Variants in CPNE8 observed in about 807,000 individuals in gnomAD.
CPNE8 encodes the protein copine-8.
Under a neutral mutation model 81.5 loss-of-function variants are expected in CPNE8, and 45 were observed. That is an observed-to-expected ratio of 0.55 (90% CI 0.44 to 0.71). The LOEUF (loss-of-function observed/expected upper bound fraction) is 0.71. CPNE8 is among the 30% of genes least tolerant of loss of function. The probability of loss-of-function intolerance (pLI) is 0.00; values close to 1 mark genes in which losing one functional copy is unlikely to be tolerated. For synonymous variants in CPNE8, 252 were observed against 226.3 expected (o/e 1.11, Z -1.02); for missense variants, 594 against 672.1 (o/e 0.88, Z 1.28).
chr12:38,664,716 A>G (rs916945261), intron 19 of CPNE8, among the ~76,000 whole-genome samples: 2 of 152,158 alleles, frequency 1.3e-5, no homozygotes, highest in African/African-American at 4.8e-5. Context: ...CTTACAATAC[A>G]CACAGTTCTA....
At chr12:38,711,466 TTC>T (rs1199311833) in intron 13 of CPNE8, among the ~76,000 whole-genome samples, 4 of 132,842 alleles carry the variant, frequency 3.0e-5, no homozygotes, top group Non-Finnish European at 5.0e-5. Context: ...CCAAGTGTAG[TTC>T]TTTTTTTTTT....
At chr12:38,764,880 G>A (rs149730390) in intron 8 of CPNE8, among the ~76,000 whole-genome samples, 427 of 151,794 alleles carry the variant, frequency 2.8e-3, no homozygotes, top group Admixed American at 3.8e-3. Flanking sequence ...GAGAGAGAGA[G>A]AAAAAGAGAG....
intron 19 of CPNE8, among the ~76,000 whole-genome samples, chr12:38,659,686 C>G (rs1466506800): frequency 6.6e-6 from 1 of 152,110 alleles, no homozygotes; most frequent in East Asian, 1.9e-4. Context: ...ACAAAAATCA[C>G]AACAAACTCT....
intron 6 of CPNE8, among the ~76,000 whole-genome samples, chr12:38,818,937 A>C (rs1205884620): frequency 6.6e-6 from 1 of 152,190 alleles, no homozygotes; most frequent in Non-Finnish European, 1.5e-5. Context: ...TCTTCTTTTG[A>C]GAAGTGTCTG....
At chr12:38,776,782 T>C (rs552659293) in intron 6 of CPNE8, among the ~76,000 whole-genome samples, 1 of 152,238 alleles carries the variant, frequency 6.6e-6, no homozygotes, top group Admixed American at 6.5e-5. Context: ...GGTGGCCCCA[T>C]AACATTATAA....
chr12:38,898,242 C>T (rs927939235), intron 1 of CPNE8, among the ~76,000 whole-genome samples: 1 of 151,968 alleles, frequency 6.6e-6, no homozygotes, highest in African/African-American at 2.4e-5. Context: ...CCTCAGGCCC[C>T]AAATGCTAAA....
At chr12:38,760,451 A>ATATATATATATATGTG (rs749406707) in intron 10 of CPNE8, among the ~76,000 whole-genome samples, 419 of 120,158 alleles carry the variant, frequency 3.5e-3, no homozygotes, top group East Asian at 8.8e-3. Flanking sequence ...ATATATATAT[A>ATATATATATATATGTG]TGTGTGTGTA....
At chr12:38,682,020 G>A (rs1326336432) in intron 16 of CPNE8, among the ~76,000 whole-genome samples, 1 of 150,702 alleles carries the variant, frequency 6.6e-6, no homozygotes, top group African/African-American at 2.4e-5. Flanking sequence ...AGGAGTTGGA[G>A]ACCAGCCTGG....
rs1944036936 is a variant in CPNE8, at chr12:38,874,363, C to T, written c.139+108G>A. Reference sequence around the variant, plus strand: ...AGTATGTAGGGCTTGGGACCATTCTCCTGTTGCTTTCTAGGCTTTAAAACA... The same window carrying T: ...AGTATGTAGGGCTTGGGACCATTCTTCTGTTGCTTTCTAGGCTTTAAAACA... On this transcript the variant is annotated intron_variant, in intron 2 of 19. Coordinates refer to ENST00000331366, the MANE Select transcript of CPNE8 (RefSeq NM_153634.3). 3 of 784,236 alleles carry T rather than the reference C, an allele frequency of 3.8e-6. No homozygotes were observed. The Admixed American group carries it at 6.1e-5, about 16-fold the overall frequency. The allele number at this position is 784,236 out of a possible 1,614,324, so 48.6% of individuals were successfully genotyped here.
intron 6 of CPNE8, among the ~76,000 whole-genome samples, chr12:38,802,906 GAAGA>G (rs1451641186): frequency 1.3e-5 from 2 of 149,488 alleles, no homozygotes; most frequent in Non-Finnish European, 3.0e-5. Flanking sequence ...AGAAAATCTA[GAAGA>G]AATAGATACA....
intron 6 of CPNE8, among the ~76,000 whole-genome samples, chr12:38,787,496 A>AG (rs1422927694): frequency 9.2e-5 from 14 of 151,534 alleles, no homozygotes; most frequent in Non-Finnish European, 1.9e-4. Flanking sequence ...TAAAAAAAAA[A>AG]AAAAGAAAAA....
At chr12:38,721,523 C>A (rs372382187) in intron 13 of CPNE8, among the ~76,000 whole-genome samples, 87 of 152,272 alleles carry the variant, frequency 5.7e-4, no homozygotes, top group African/African-American at 1.9e-3. Context: ...CAATAAAACT[C>A]CTCTTCATCT....
At position 38,730,817 on chromosome 12, in the gene CPNE8, G is replaced by A. The variant is rs532171793; in HGVS notation, c.723-459C>T. Among the ~76,000 whole-genome samples the A allele has an allele frequency of 2.0e-5, 3 of 151,016 alleles. No individual in the cohort carries two copies. In the Admixed American group the frequency reaches 2.0e-4, roughly 10 times the overall value. Reference sequence around the variant, plus strand: ...GTGTAATAGGATGCTATTTTAAAAAGTTATAACATATTAATATGTGTAATA... The same window carrying A: ...GTGTAATAGGATGCTATTTTAAAAAATTATAACATATTAATATGTGTAATA... On this transcript the variant is annotated intron_variant, in intron 10 of 19. Transcript: ENST00000331366.
At chr12:38,784,686 G>A (rs747436502) in intron 6 of CPNE8, among the ~76,000 whole-genome samples, 4 of 152,006 alleles carry the variant, frequency 2.6e-5, no homozygotes, top group Non-Finnish European at 5.9e-5. Flanking sequence ...AGACTTTTCA[G>A]TGAAATCTTT....
chr12:38,855,040 C>T lies in CPNE8; in HGVS notation c.187-6378G>A, dbSNP rs1943708069. 2.0e-5 allele frequency among the ~76,000 whole-genome samples: 3 copies of T among 151,928 alleles called. No individual in the cohort carries two copies. In the South Asian group the frequency reaches 6.2e-4, roughly 31 times the overall value. ...AATAAACTATTTCAACTGATAAAGT[C>T]AGTAAAGTTACAGGATACAAAATCA... On this transcript the variant is annotated intron_variant, in intron 3 of 19. Coordinates refer to ENST00000331366, the MANE Select transcript of CPNE8 (RefSeq NM_153634.3).
intron 1 of CPNE8, among the ~76,000 whole-genome samples, chr12:38,884,208 C>T (rs191272942): frequency 4.2e-4 from 64 of 152,218 alleles, no homozygotes; most frequent in African/African-American, 1.4e-3. Flanking sequence ...TCCACTTCCC[C>T]GAGCCCCTGG....
chr12:38,670,633 A>G (rs886438226), intron 19 of CPNE8, 96 bp downstream of exon 19: 8 of 759,170 alleles, frequency 1.1e-5, no homozygotes, highest in Non-Finnish European at 1.7e-5. Context: ...GAAAAGCATC[A>G]TTAAAAAGTC....
At chr12:38,779,935 A>C (rs530406900) in intron 6 of CPNE8, among the ~76,000 whole-genome samples, 1 of 152,098 alleles carries the variant, frequency 6.6e-6, no homozygotes, top group African/African-American at 2.4e-5. Flanking sequence ...ATAAGCAAGA[A>C]TATTTGGAAC....
At chr12:38,878,844 G>C (rs1944105379) in intron 1 of CPNE8, among the ~76,000 whole-genome samples, 1 of 152,084 alleles carries the variant, frequency 6.6e-6, no homozygotes, top group South Asian at 2.1e-4. Flanking sequence ...AATACAATCT[G>C]CATTAAAGGT....
Sources: gnomAD v4.1 joint callset for allele counts (sites outside exome capture counted in the v4.1 genomes callset) on GRCh38, gnomAD v4.1.1 for gene constraint, MANE v1.5 for transcripts, NCBI Gene and HGNC (gene_info 2026-07-23, HGNC 2026-07-21) for gene names.